Variants in WDR70 observed in about 807,000 individuals in gnomAD.
The protein encoded by WDR70 is WD repeat-containing protein 70.
WDR70 carries 53 observed loss-of-function variants against 88.6 expected under a neutral mutation model. The ratio of observed to expected loss-of-function variants is 0.60; its 90% CI spans 0.48 to 0.75. The LOEUF (loss-of-function observed/expected upper bound fraction) is 0.75, where lower values mean the gene tolerates loss of function less well. Ranked by LOEUF, WDR70 falls within the 30% of genes least tolerant of loss-of-function variation. The probability of loss-of-function intolerance (pLI) is 0.00; values close to 1 mark genes in which losing one functional copy is unlikely to be tolerated. For missense variants in WDR70, 610 were observed against 823.2 expected (o/e 0.74, Z 3.17); for synonymous variants, 280 against 270.0 (o/e 1.04, Z -0.36).
intron 5 of WDR70, among the ~76,000 whole-genome samples, chr5:37,436,325 C>T (rs1173177244): frequency 6.6e-6 from 1 of 152,100 alleles, no homozygotes; most frequent in African/African-American, 2.4e-5. Flanking sequence ...GGGGCAGGTG[C>T]TATTATTCAT....
At chr5:37,429,795 CTTGT>C (rs1750248446) in intron 5 of WDR70, among the ~76,000 whole-genome samples, 1 of 152,158 alleles carries the variant, frequency 6.6e-6, no homozygotes, top group East Asian at 1.9e-4. Context: ...AGTTCTCTGA[CTTGT>C]TTGTTTTGAA....
intron 11 of WDR70, among the ~76,000 whole-genome samples, chr5:37,699,400 T>TACACACACAC (rs780871678): frequency 8.8e-5 from 13 of 147,050 alleles, no homozygotes; most frequent in Middle Eastern, 3.5e-3. Flanking sequence ...TGTATATATA[T>TACACACACAC]ATACACACAC....
At chr5:37,620,151 T>G (rs1187655839) in intron 10 of WDR70, 1 of 152,192 alleles carries the variant, frequency 6.6e-6, no homozygotes, top group Non-Finnish European at 1.5e-5. Context: ...AACAAAGTAA[T>G]GCAAGGATCA....
At chr5:37,489,222 C>A (rs1739988261) in intron 8 of WDR70, among the ~76,000 whole-genome samples, 1 of 152,190 alleles carries the variant, frequency 6.6e-6, no homozygotes, top group Admixed American at 6.5e-5. Context: ...CCCTTGCGCA[C>A]AGTATATGAG....
rs1425516845 is a variant in WDR70, at chr5:37,396,410, ACT to A, written c.335_336del (p.Ser112PhefsTer2). ...AGCAGTGAAAGTGAACAGAGTTCTG[ACT>A]CTTCTGATGATGAGTTAATTGGCCC... is the stretch of plus-strand genomic sequence containing the variant. On this transcript the variant is annotated frameshift_variant, in exon 5 of 18. Coordinates refer to ENST00000265107, the MANE Select transcript of WDR70 (RefSeq NM_018034.4). LOFTEE classifies it high-confidence loss of function. 6.2e-7 allele frequency: 1 copy of A among 1,613,520 alleles called. No homozygotes were observed. Among genetic ancestry groups the A allele is most frequent in the Admixed American group, 1.7e-5 (1 of 59,856 alleles).
intron 10 of WDR70, among the ~76,000 whole-genome samples, chr5:37,677,957 G>A (rs997007961): frequency 6.6e-6 from 1 of 152,172 alleles, no homozygotes; most frequent in Non-Finnish European, 1.5e-5. Context: ...AGCTCTTCTT[G>A]TTGAATTGAT....
chr5:37,402,293 TTGTGTGTGTGTGTG>T (rs35565451), intron 5 of WDR70, among the ~76,000 whole-genome samples: 3 of 24,498 alleles, frequency 1.2e-4, no homozygotes, highest in Admixed American at 4.3e-4. Context: ...CAGATAGTAT[TTGTGTGTGTGTGTG>T]TGTGTGTGTG....
intron 9 of WDR70, among the ~76,000 whole-genome samples, chr5:37,529,982 T>G (rs1440917990): frequency 2.0e-5 from 3 of 152,190 alleles, no homozygotes; most frequent in African/African-American, 7.2e-5. Flanking sequence ...TTTTATTATG[T>G]TAAGGTATGT....
At chr5:37,418,251 C>T (rs576751461) in intron 5 of WDR70, among the ~76,000 whole-genome samples, 1 of 151,764 alleles carries the variant, frequency 6.6e-6, no homozygotes, top group Non-Finnish European at 1.5e-5. Context: ...AAACCTTGAC[C>T]TAAAAATTTT....
chr5:37,415,101 AAGGTCAT>A (rs1274027687), intron 5 of WDR70, among the ~76,000 whole-genome samples: 1 of 150,328 alleles, frequency 6.7e-6, no homozygotes, highest in East Asian at 2.0e-4. Context: ...GGTTGGGGGT[AAGGTCAT>A]AGATCAACAG....
Position 37,752,698 on chromosome 5 carries a change from A to G in WDR70, c.*125A>G. On this transcript the variant is annotated 3_prime_UTR_variant, in exon 18 of 18. Transcript: ENST00000265107. ...CAGGTTTTGTCCTTTGCATTATTGA[A>G]CTGGTCAAAAGTTTGGTGGCTAGGC... 2 of 732,248 alleles carry G rather than the reference A, an allele frequency of 2.7e-6. No individual in the cohort carries two copies. The highest frequency in any genetic ancestry group is 4.4e-6 in the Non-Finnish European group (2 of 449,738). The allele number at this position is 732,248 out of a possible 1,614,324, so 45.4% of individuals were successfully genotyped here.
intron 17 of WDR70, among the ~76,000 whole-genome samples, chr5:37,740,259 T>C (rs1748434181): frequency 6.6e-6 from 1 of 152,240 alleles, no homozygotes; most frequent in African/African-American, 2.4e-5. Context: ...TAAAATGTCC[T>C]AGATAGCTCT....
At chr5:37,528,490 G>T (rs184435953) in intron 9 of WDR70, among the ~76,000 whole-genome samples, 252 of 152,192 alleles carry the variant, frequency 1.7e-3, no homozygotes, top group African/African-American at 5.2e-3. Context: ...GGGTTAGGGG[G>T]AGGGGTGAGG....
intron 9 of WDR70, among the ~76,000 whole-genome samples, chr5:37,576,741 C>T (rs1391063244): frequency 6.8e-6 from 1 of 146,816 alleles, no homozygotes; most frequent in Non-Finnish European, 1.5e-5. Flanking sequence ...TCCTTAGGTG[C>T]TGTACCGTAA....
At chr5:37,540,603 A>G (rs1741788594) in intron 9 of WDR70, among the ~76,000 whole-genome samples, 1 of 152,016 alleles carries the variant, frequency 6.6e-6, no homozygotes, top group Non-Finnish European at 1.5e-5. Context: ...CATGGTCTTG[A>G]TCTCTTGACC....
At chr5:37,623,391 A>G (rs192119189) in intron 10 of WDR70, among the ~76,000 whole-genome samples, 12 of 152,266 alleles carry the variant, frequency 7.9e-5, no homozygotes, top group African/African-American at 1.9e-4. Context: ...ATTATTCACC[A>G]AGTAGTAAAC....
At chr5:37,597,648 T>C (rs532425704) in intron 9 of WDR70, among the ~76,000 whole-genome samples, 8 of 152,348 alleles carry the variant, frequency 5.3e-5, no homozygotes, top group African/African-American at 1.9e-4. Flanking sequence ...TCTACCTTGC[T>C]GCTGCTTTCA....
intron 10 of WDR70, among the ~76,000 whole-genome samples, chr5:37,685,090 T>A (rs1746542169): frequency 1.3e-5 from 2 of 152,058 alleles, no homozygotes; most frequent in African/African-American, 4.8e-5. Context: ...CCATCTCTAT[T>A]TTCACTCTGG....
rs1749660268 is a variant in WDR70 at position 37,415,134 on chromosome 5, G to A, written c.492+18564G>A. On this transcript the variant is annotated intron_variant, in intron 5 of 17. Transcript: ENST00000265107. ...AGATCAACAGGATCCCAAGGCAGAA[G>A]AATTTTTCTTAGTACAGAACAAAAT... is the stretch of plus-strand genomic sequence containing the variant. Among the ~76,000 whole-genome samples the A allele has an allele frequency of 4.0e-5, 6 of 150,530 alleles. No homozygotes were observed. In the South Asian group the frequency reaches 1.3e-3, roughly 32 times the overall value.
Sources: gnomAD v4.1 joint callset for allele counts (sites outside exome capture counted in the v4.1 genomes callset) on GRCh38, gnomAD v4.1.1 for gene constraint, MANE v1.5 for transcripts, NCBI Gene and HGNC (gene_info 2026-07-23, HGNC 2026-07-21) for gene names.